Variants in DOCK3 observed in about 807,000 individuals in gnomAD.
DOCK3 encodes dedicator of cytokinesis protein 3.
A neutral mutation model predicts 265.6 loss-of-function variants in DOCK3; 60 were observed. The observed-to-expected ratio is 0.23, with a 90% CI of 0.18 to 0.28. The LOEUF is 0.28. DOCK3 is among the 10% of genes least tolerant of loss of function. The pLI is 1.00. For synonymous variants in DOCK3, 881 were observed against 938.0 expected (o/e 0.94, Z 1.11); for missense variants, 1,981 against 2,594.3 (o/e 0.76, Z 5.14).
At chr3:51,270,422 T>A (rs112049018) in intron 23 of DOCK3, among the ~76,000 whole-genome samples, 6 of 152,290 alleles carry the variant, frequency 3.9e-5, no homozygotes, top group Non-Finnish European at 8.8e-5. Context: ...CCATACTTTC[T>A]TGAGTTTGGA....
At chr3:50,801,604 TTTTGTGTCCTAAC>T (rs1291409066) in intron 2 of DOCK3, among the ~76,000 whole-genome samples, 1 of 152,226 alleles carries the variant, frequency 6.6e-6, no homozygotes, top group Non-Finnish European at 1.5e-5. Flanking sequence ...TTGAGACTTG[TTTTGTGTCCTAAC>T]ATATAGTTAA....
intron 5 of DOCK3, among the ~76,000 whole-genome samples, chr3:51,012,724 G>A (rs1443588364): frequency 2.0e-5 from 3 of 152,150 alleles, no homozygotes; most frequent in Non-Finnish European, 4.4e-5. Flanking sequence ...GAAATCACCC[G>A]TCTTCTGTGT....
chr3:50,826,954 G>A (rs958236888), intron 2 of DOCK3, among the ~76,000 whole-genome samples: 1 of 152,174 alleles, frequency 6.6e-6, no homozygotes, highest in African/African-American at 2.4e-5. Context: ...AATTCACTGT[G>A]AAGTAATTTG....
chr3:51,053,933 A>G (rs890191425), intron 5 of DOCK3, among the ~76,000 whole-genome samples: 1 of 151,932 alleles, frequency 6.6e-6, no homozygotes, highest in African/African-American at 2.4e-5. Context: ...CAAGCACTTC[A>G]GGTATTTTAT....
intron 14 of DOCK3, among the ~76,000 whole-genome samples, chr3:51,217,684 C>A (rs560236848): frequency 1.3e-5 from 2 of 152,082 alleles, no homozygotes; most frequent in Non-Finnish European, 2.9e-5. Flanking sequence ...TGGGCAGGCA[C>A]GACAAACAGG....
At chr3:51,347,073 C>G (rs1337545269) in intron 38 of DOCK3, among the ~76,000 whole-genome samples, 1 of 152,150 alleles carries the variant, frequency 6.6e-6, no homozygotes, top group African/African-American at 2.4e-5. Flanking sequence ...TAAAAATATT[C>G]TCCCATTCTG....
chr3:50,877,061 C>T (rs1037559709), intron 3 of DOCK3: 3 of 213,218 alleles, frequency 1.4e-5, no homozygotes, highest in Non-Finnish European at 2.8e-5. Context: ...ATTGAACACT[C>T]CTGCTCTAAA....
At chr3:50,854,592 G>GTTTTTTTTTTTTTTTTTTTTTC (rs71084118) in intron 3 of DOCK3, among the ~76,000 whole-genome samples, 1 of 47,214 alleles carries the variant, frequency 2.1e-5, no homozygotes, top group African/African-American at 8.5e-5. Context: ...CATCACACCA[G>GTTTTTTTTTTTTTTTTTTTTTC]TTTTTTTTTT....
intron 9 of DOCK3, among the ~76,000 whole-genome samples, chr3:51,135,790 C>T (rs545918863): frequency 6.6e-6 from 1 of 152,164 alleles, no homozygotes; most frequent in Admixed American, 6.5e-5. Context: ...CTGCATGCAG[C>T]CTTGACGTCA....
At chr3:51,179,184 A>G (rs1415958565) in intron 12 of DOCK3, among the ~76,000 whole-genome samples, 1 of 152,208 alleles carries the variant, frequency 6.6e-6, no homozygotes, top group Admixed American at 6.5e-5. Context: ...CTTGTGAAAC[A>G]TTTACAAAAA....
chr3:50,987,558 A>G (rs925654426), intron 5 of DOCK3, among the ~76,000 whole-genome samples: 3 of 152,178 alleles, frequency 2.0e-5, no homozygotes, highest in Non-Finnish European at 2.9e-5. Flanking sequence ...AGTGGCCAAG[A>G]TGGCCCACCG....
chr3:51,136,362 G>A (rs1576200511), intron 9 of DOCK3, among the ~76,000 whole-genome samples: 1 of 151,858 alleles, frequency 6.6e-6, no homozygotes, highest in African/African-American at 2.4e-5. Flanking sequence ...GAGTAGTTGG[G>A]ACTATAGGCA....
intron 1 of DOCK3, among the ~76,000 whole-genome samples, chr3:50,716,184 G>C (rs568475079): frequency 4.6e-4 from 70 of 152,062 alleles, no homozygotes; most frequent in Admixed American, 4.5e-3. Flanking sequence ...TACTACCTGT[G>C]TTCCTTGCTC....
At chr3:51,020,051 T>A (rs1276284271) in intron 5 of DOCK3, among the ~76,000 whole-genome samples, 1 of 151,932 alleles carries the variant, frequency 6.6e-6, no homozygotes, top group Admixed American at 6.5e-5. Context: ...TGTTGCACTG[T>A]CTTCCACAAT....
chr3:50,827,139 G>A (rs2044806815), intron 2 of DOCK3, among the ~76,000 whole-genome samples: 1 of 152,270 alleles, frequency 6.6e-6, no homozygotes. Flanking sequence ...AAAAGGACCA[G>A]GAATCAGACT....
chr3:51,250,045 G>GA, intron 22 of DOCK3, among the ~76,000 whole-genome samples: 1 of 152,044 alleles, frequency 6.6e-6, no homozygotes, highest in East Asian at 1.9e-4. Context: ...GGTGCAAGAT[G>GA]TGCTTTGTTA....
intron 12 of DOCK3, among the ~76,000 whole-genome samples, chr3:51,203,822 G>C (rs1021013478): frequency 7.2e-5 from 11 of 152,158 alleles, no homozygotes; most frequent in Non-Finnish European, 1.3e-4. Context: ...CAGAGATATA[G>C]ATCAATGGAA....
intron 12 of DOCK3, among the ~76,000 whole-genome samples, chr3:51,178,959 G>A (rs768927460): frequency 6.6e-5 from 10 of 152,152 alleles, no homozygotes; most frequent in Non-Finnish European, 1.5e-4. Flanking sequence ...GGGGAGGAAC[G>A]TGCCTAAGCA....
chr3:51,214,299 G>A lies in DOCK3; in HGVS notation c.1252+52G>A, dbSNP rs187380578. The A allele has an allele frequency of 1.4e-3, 2,286 of 1,603,208 alleles. 4 individuals are homozygous for A. Among genetic ancestry groups the A allele is most frequent in the Non-Finnish European group, 1.8e-3 (2,117 of 1,174,518 alleles). The stretch of plus-strand genomic sequence containing the variant: ...AGGAAGATGGGTTAGGATGGAATCT[G>A]GTGCTCCCCTCCTGAGCAGGTGGTG... On this transcript the variant is annotated intron_variant, in intron 14 of 52. Coordinates refer to ENST00000266037, the MANE Select transcript of DOCK3 (RefSeq NM_004947.5).
Sources: allele counts gnomAD v4.1 joint callset (sites outside exome capture counted in the v4.1 genomes callset), GRCh38; gene constraint gnomAD v4.1.1; transcripts MANE v1.5; gene names NCBI Gene and HGNC (gene_info 2026-07-23, HGNC 2026-07-21).